RAP1A: variants seen among roughly 807,000 people sequenced by gnomAD.
RAP1A encodes ras-related protein Rap-1A.
In RAP1A, 6 loss-of-function variants were observed where a neutral mutation model predicts 26.4. That is an observed-to-expected ratio of 0.23 (90% CI 0.12 to 0.45). The LOEUF (loss-of-function observed/expected upper bound fraction) is 0.45. RAP1A is among the 20% of genes least tolerant of loss of function. The pLI, the probability that RAP1A is intolerant of heterozygous loss-of-function variation, is 0.99. For synonymous variants in RAP1A, 73 were observed against 79.4 expected, an observed-to-expected ratio of 0.92 and a Z score of 0.43; for missense variants, 121 against 217.2, an observed-to-expected ratio of 0.56 and a Z score of 2.78.
intron 1 of RAP1A, among the ~76,000 whole-genome samples, chr1:111,646,430 A>C (rs937433378): frequency 3.0e-5 from 4 of 135,398 alleles, no homozygotes; most frequent in South Asian, 2.1e-4. Context: ...TAAAAAAAAA[A>C]AAAACAAAAC....
intron 1 of RAP1A, among the ~76,000 whole-genome samples, chr1:111,640,554 G>C (rs1473024045): frequency 6.6e-6 from 1 of 152,048 alleles, no homozygotes; most frequent in Non-Finnish European, 1.5e-5. Context: ...CTGTTTTTCA[G>C]GAAAGTATTA....
chr1:111,649,296 G>A, intron 1 of RAP1A: 1 of 448,110 alleles, frequency 2.2e-6, no homozygotes. Flanking sequence ...ACTCTGTCCA[G>A]GTAGGAGGCC....
At chr1:111,601,495 G>A (rs112192920) in intron 1 of RAP1A, among the ~76,000 whole-genome samples, 8 of 152,296 alleles carry the variant, frequency 5.3e-5, no homozygotes, top group African/African-American at 1.9e-4. Context: ...AACGTGAATG[G>A]GGGTAAAGGG....
At chr1:111,667,230 A>G (rs1660822214) in intron 1 of RAP1A, among the ~76,000 whole-genome samples, 1 of 151,994 alleles carries the variant, frequency 6.6e-6, no homozygotes. Flanking sequence ...TGACACTCCT[A>G]CCCTCCTCTC....
intron 1 of RAP1A, among the ~76,000 whole-genome samples, chr1:111,575,696 T>C (rs1402689700): frequency 6.6e-6 from 1 of 152,034 alleles, no homozygotes; most frequent in African/African-American, 2.4e-5. Flanking sequence ...AAAGTGGCCA[T>C]CTGCAAGCCA....
chr1:111,587,110 C>T (rs539004558), intron 1 of RAP1A, among the ~76,000 whole-genome samples: 50 of 152,084 alleles, frequency 3.3e-4, no homozygotes, highest in Non-Finnish European at 5.7e-4. Context: ...TGTTTTTCCA[C>T]CATTCTATGA....
intron 1 of RAP1A, among the ~76,000 whole-genome samples, chr1:111,578,564 A>G: frequency 6.6e-6 from 1 of 152,124 alleles, no homozygotes; most frequent in Non-Finnish European, 1.5e-5. Context: ...TACTGGAGTG[A>G]GTTTTCCAGA....
At chr1:111,687,599 ATTAC>A (rs1307435668) in intron 1 of RAP1A, among the ~76,000 whole-genome samples, 1 of 152,312 alleles carries the variant, frequency 6.6e-6, no homozygotes, top group African/African-American at 2.4e-5. Flanking sequence ...AACATACTAT[ATTAC>A]TTCATATATA....
chr1:111,604,107 C>A (rs745348707), intron 1 of RAP1A, among the ~76,000 whole-genome samples: 2 of 152,142 alleles, frequency 1.3e-5, no homozygotes, highest in African/African-American at 4.8e-5. Context: ...AACGTGAATG[C>A]GGAGGAAGTG....
chr1:111,650,243 G>A (rs1660222475), intron 1 of RAP1A, among the ~76,000 whole-genome samples: 1 of 151,878 alleles, frequency 6.6e-6, no homozygotes, highest in Admixed American at 6.6e-5. Flanking sequence ...CTTGCCCTGA[G>A]ATAAATAGCT....
chr1:111,670,260 C>T lies in RAP1A; in HGVS notation c.-27-21074C>T, dbSNP rs183624362. Among the ~76,000 whole-genome samples, 20 of 152,080 alleles carry T rather than the reference C, an allele frequency of 1.3e-4. No homozygotes were observed. The East Asian group carries it at 3.5e-3, about 27-fold the overall frequency. On this transcript the variant is annotated intron_variant, in intron 1 of 7. Transcript: ENST00000369709. The stretch of plus-strand genomic sequence containing the variant: ...GCCAAGGTGGGCAGATAGCTTGAGC[C>T]TAGGAGTTCGAGACCAGCCTGGGCA...
chr1:111,699,378 A>G (rs1238108485), intron 4 of RAP1A, among the ~76,000 whole-genome samples: 1 of 151,944 alleles, frequency 6.6e-6, no homozygotes, highest in Non-Finnish European at 1.5e-5. Context: ...GTGATTACCA[A>G]TAAGTATAAT....
rs1658358830 is a variant in RAP1A at position 111,586,009 on chromosome 1, TAAAAC to T, written c.-28+43503_-28+43507del. Among the ~76,000 whole-genome samples the T allele has an allele frequency of 2.6e-5, 4 of 152,190 alleles. No individual in the cohort carries two copies. The South Asian group carries it at 8.3e-4, about 31-fold the overall frequency. ...AGTTCATTTGTATGTATCTCACTAA[TAAAAC>T]AACACAATTTTGCTTGTAGGTATCT... On this transcript the variant is annotated intron_variant, in intron 1 of 7. Coordinates refer to the RAP1A transcript ENST00000356415.
At chr1:111,671,695 A>T (rs1249925388) in intron 1 of RAP1A, among the ~76,000 whole-genome samples, 1 of 152,078 alleles carries the variant, frequency 6.6e-6, no homozygotes, top group Non-Finnish European at 1.5e-5. Flanking sequence ...GCTAGTCTTG[A>T]ACTCCTAACC....
At chr1:111,556,050 A>G (rs908090430) in intron 1 of RAP1A, among the ~76,000 whole-genome samples, 1 of 152,174 alleles carries the variant, frequency 6.6e-6, no homozygotes, top group African/African-American at 2.4e-5. Context: ...CGCACAAGAA[A>G]CTCCTGCAAC....
intron 1 of RAP1A, among the ~76,000 whole-genome samples, chr1:111,579,644 A>G (rs556543839): frequency 1.3e-5 from 2 of 152,320 alleles, no homozygotes; most frequent in South Asian, 4.1e-4. Context: ...CAACTAAGTC[A>G]AAAATGTATT....
At chr1:111,645,033 G>T (rs1660020162) in intron 1 of RAP1A, among the ~76,000 whole-genome samples, 1 of 152,186 alleles carries the variant, frequency 6.6e-6, no homozygotes, top group African/African-American at 2.4e-5. Context: ...TTGCACTGCT[G>T]ATTCTCCTTA....
At chr1:111,652,557 A>G (rs1291817706) in intron 1 of RAP1A, among the ~76,000 whole-genome samples, 1 of 152,146 alleles carries the variant, frequency 6.6e-6, no homozygotes, top group Non-Finnish European at 1.5e-5. Flanking sequence ...AACATTTACC[A>G]TCTAGCTCTT....
chr1:111,693,260 A>T (rs1661724196), intron 2 of RAP1A, among the ~76,000 whole-genome samples: 2 of 152,180 alleles, frequency 1.3e-5, no homozygotes, highest in South Asian at 2.1e-4. Context: ...TGGGTTGAAG[A>T]TTAAATGAGA....
Sources: allele counts gnomAD v4.1 joint callset (sites outside exome capture counted in the v4.1 genomes callset), GRCh38; gene constraint gnomAD v4.1.1; transcripts MANE v1.5; gene names NCBI Gene and HGNC (gene_info 2026-07-23, HGNC 2026-07-21).